Variants in SAMMSON observed in about 807,000 individuals in gnomAD.
The protein encoded by SAMMSON is survival associated mitochondrial melanoma specific oncogenic non-coding RNA, also known as long intergenic non-protein coding RNA 1212.
intron 4 of SAMMSON, among the ~76,000 whole-genome samples, chr3:70,234,977 T>C (rs1701593804): frequency 1.3e-5 from 2 of 152,164 alleles, no homozygotes; most frequent in South Asian, 4.1e-4. Context: ...ATCACGATTT[T>C]TAGCAACTGT....
chr3:70,071,256 C>T (rs192778372), intron 3 of SAMMSON, among the ~76,000 whole-genome samples: 143 of 152,088 alleles, frequency 9.4e-4, no homozygotes, highest in African/African-American at 3.3e-3. Flanking sequence ...TTTCTGTCTC[C>T]TTTCTTTACA....
chr3:70,399,874 A>G (rs2106762232), intron 2 of SAMMSON, among the ~76,000 whole-genome samples: 2 of 149,834 alleles, frequency 1.3e-5, no homozygotes, highest in African/African-American at 5.1e-5. Context: ...AAACAAAAAA[A>G]AAACAAAAAA....
At chr3:70,166,576 C>A (rs1452852195) in intron 4 of SAMMSON, among the ~76,000 whole-genome samples, 1 of 151,982 alleles carries the variant, frequency 6.6e-6, no homozygotes, top group Admixed American at 6.6e-5. Flanking sequence ...AAGCCACTGA[C>A]CTTCAGGCTG....
chr3:70,079,893 C>G (rs2067261836), intron 4 of SAMMSON, among the ~76,000 whole-genome samples: 1 of 152,160 alleles, frequency 6.6e-6, no homozygotes, highest in Non-Finnish European at 1.5e-5. Context: ...CTGCAGCTAA[C>G]AGCTTATAGC....
intron 3 of SAMMSON, among the ~76,000 whole-genome samples, chr3:70,018,332 A>G (rs145378838): frequency 6.6e-5 from 10 of 152,230 alleles, no homozygotes; most frequent in African/African-American, 1.7e-4. Flanking sequence ...GTGCTGAGGA[A>G]TTTATCCATT....
At chr3:70,340,737 C>T (rs984193449) in intron 7 of SAMMSON, among the ~76,000 whole-genome samples, 2 of 152,116 alleles carry the variant, frequency 1.3e-5, no homozygotes, top group African/African-American at 4.8e-5. Flanking sequence ...CATTATTCCA[C>T]TGGGAGAGGA....
chr3:70,199,847 G>T (rs1701220660), intron 4 of SAMMSON, among the ~76,000 whole-genome samples: 1 of 152,138 alleles, frequency 6.6e-6, no homozygotes, highest in Non-Finnish European at 1.5e-5. Context: ...CCATCCAAAA[G>T]TGTATACCAT....
chr3:70,183,074 T>G (rs1701066593), intron 4 of SAMMSON, among the ~76,000 whole-genome samples: 1 of 152,214 alleles, frequency 6.6e-6, no homozygotes, highest in African/African-American at 2.4e-5. Flanking sequence ...AACTATTCTT[T>G]GTTGAACACT....
intron 3 of SAMMSON, among the ~76,000 whole-genome samples, chr3:70,029,839 A>G (rs545111745): frequency 1.7e-4 from 26 of 151,994 alleles, no homozygotes; most frequent in Admixed American, 1.6e-3. Flanking sequence ...TTAACTTCCA[A>G]TAGGAAGAAT....
chr3:70,066,390 T>C (rs1016950215), intron 3 of SAMMSON, among the ~76,000 whole-genome samples: 13 of 152,130 alleles, frequency 8.5e-5, no homozygotes, highest in African/African-American at 2.2e-4. Context: ...GTTTAACTTA[T>C]AGTTAAATAG....
chr3:70,394,858 A>G (rs1393700454), downstream of SAMMSON, among the ~76,000 whole-genome samples: 1 of 152,186 alleles, frequency 6.6e-6, no homozygotes, highest in African/African-American at 2.4e-5. Flanking sequence ...CGTTGCACAA[A>G]ATGCAGCATT....
intron 4 of SAMMSON, among the ~76,000 whole-genome samples, chr3:70,154,745 A>G (rs370480832): frequency 6.6e-6 from 1 of 152,198 alleles, no homozygotes; most frequent in African/African-American, 2.4e-5. Context: ...AACTTGTTTT[A>G]AGAAAGTTAA....
rs566370949 is a variant in SAMMSON, at chr3:70,007,965, G to A, written n.23-4392G>A. Among the ~76,000 whole-genome samples, 4 of 152,088 alleles carry A rather than the reference G, an allele frequency of 2.6e-5. No individual in the cohort carries two copies. The South Asian group carries it at 8.3e-4, about 32-fold the overall frequency. On this transcript the variant is annotated intron_variant and non_coding_transcript_variant, in intron 1 of 9. Coordinates refer to ENST00000642114, the Ensembl canonical transcript of SAMMSON. ...AAGATCAGATGGTTGTAGATACGCG[G>A]CATTATTTCTAAGGGCTCTGTTCTG...
At chr3:70,202,551 A>T (rs922921349) in intron 4 of SAMMSON, among the ~76,000 whole-genome samples, 1 of 152,182 alleles carries the variant, frequency 6.6e-6, no homozygotes, top group Non-Finnish European at 1.5e-5. Flanking sequence ...ATCCTGGCAC[A>T]GGCTCTAATC....
At chr3:70,176,908 T>A (rs1701013521) in intron 4 of SAMMSON, among the ~76,000 whole-genome samples, 1 of 152,172 alleles carries the variant, frequency 6.6e-6, no homozygotes, top group African/African-American at 2.4e-5. Flanking sequence ...GGAGAATAGA[T>A]CAAAGTCTGA....
chr3:70,431,424 G>T (rs1271583300), intron 2 of SAMMSON, among the ~76,000 whole-genome samples: 2 of 151,826 alleles, frequency 1.3e-5, no homozygotes, highest in African/African-American at 4.8e-5. Flanking sequence ...TTAGTTTTGT[G>T]TATATTAATA....
At chr3:70,370,482 C>T (rs1012933723) in intron 9 of SAMMSON, among the ~76,000 whole-genome samples, 3 of 151,820 alleles carry the variant, frequency 2.0e-5, no homozygotes, top group African/African-American at 7.2e-5. Context: ...TATTTTTGGT[C>T]TTTTAGTAAT....
intron 4 of SAMMSON, among the ~76,000 whole-genome samples, chr3:70,082,851 C>A (rs1332226903): frequency 6.6e-6 from 1 of 152,138 alleles, no homozygotes; most frequent in African/African-American, 2.4e-5. Flanking sequence ...CCTAACAGCC[C>A]CATGAGATAG....
At chr3:70,017,475 G>A (rs952803697) in intron 3 of SAMMSON, among the ~76,000 whole-genome samples, 2 of 152,092 alleles carry the variant, frequency 1.3e-5, no homozygotes, top group African/African-American at 2.4e-5. Context: ...AGCTTAAGGA[G>A]ATTTTGGGCT....
Sources: gnomAD v4.1 joint callset for allele counts (sites outside exome capture counted in the v4.1 genomes callset) on GRCh38, gnomAD v4.1.1 for gene constraint, MANE v1.5 for transcripts, NCBI Gene and HGNC (gene_info 2026-07-23, HGNC 2026-07-21) for gene names.